Variants in EYS observed in about 807,000 individuals in gnomAD.
EYS encodes protein eyes shut homolog.
In EYS, 250 loss-of-function variants were observed where a neutral mutation model predicts 282.1. That is an observed-to-expected ratio of 0.89 (90% CI 0.80 to 0.98). EYS has a LOEUF of 0.98. EYS is among the 50% of genes least tolerant of loss of function. EYS has a pLI of 0.00. For synonymous variants in EYS, 1,355 were observed against 1,282.9 expected, an observed-to-expected ratio of 1.06 and a Z score of -1.20; for missense variants, 4,016 against 3,709.0, an observed-to-expected ratio of 1.08 and a Z score of -2.15.
At chr6:63,749,559 A>G (rs2149647527) in intron 41 of EYS, among the ~76,000 whole-genome samples, 1 of 152,258 alleles carries the variant, frequency 6.6e-6, no homozygotes, top group South Asian at 2.1e-4. Context: ...TGCCTTGATG[A>G]TCTGTCTACA....
At chr6:63,772,964 C>A (rs1372256015) in intron 40 of EYS, among the ~76,000 whole-genome samples, 1 of 151,884 alleles carries the variant, frequency 6.6e-6, no homozygotes, top group Non-Finnish European at 1.5e-5. Context: ...ATCCCCTTTT[C>A]TTACATGTTT....
At chr6:64,053,106 T>C (rs1312993107) in intron 33 of EYS, among the ~76,000 whole-genome samples, 1 of 152,124 alleles carries the variant, frequency 6.6e-6, no homozygotes, top group Admixed American at 6.6e-5. Context: ...GTGGGATAAG[T>C]AAAAATAACT....
At chr6:65,562,639 G>A (rs1332239432) in intron 2 of EYS, among the ~76,000 whole-genome samples, 2 of 151,918 alleles carry the variant, frequency 1.3e-5, no homozygotes, top group Non-Finnish European at 2.9e-5. Flanking sequence ...AAAGTTTGAG[G>A]CAATTTTATT....
chr6:64,590,940 A>G lies in EYS; in HGVS notation c.4927T>C (p.Ser1643Pro), dbSNP rs1157283483. ...KKSAKRTILSSSLEESITLSS... is the reference protein window; with the variant it reads ...KKSAKRTILSPSLEESITLSS... ...AGGGTAATGGATTCTTCCAAGGATG[A>G]GGATAAAATTGTTCTTTTTGCACTC... Residue 1643 changes from serine (S) to proline (P), a missense_variant, in exon 26 of 43, where the codon TCA becomes CCA. Physicochemically the swap from Ser to Pro is moderately conservative, Grantham distance 74. Coordinates refer to ENST00000503581, the MANE Select transcript of EYS (RefSeq NM_001142800.2). The G allele has an allele frequency of 1.3e-6, 2 of 1,550,916 alleles. No individual in the cohort carries two copies. The highest frequency in any genetic ancestry group is 8.7e-7 in the Non-Finnish European group (1 of 1,146,680).
intron 8 of EYS, among the ~76,000 whole-genome samples, chr6:65,354,552 A>G (rs1043076104): frequency 6.6e-6 from 1 of 152,142 alleles, no homozygotes; most frequent in African/African-American, 2.4e-5. Flanking sequence ...GTGGTGCCTC[A>G]TGCCTGTAAT....
At chr6:64,733,429 TGG>T (rs1772044929) in intron 22 of EYS, 1 of 183,950 alleles carries the variant, frequency 5.4e-6, no homozygotes, top group African/African-American at 2.3e-5. Flanking sequence ...TCATCTACTC[TGG>T]GGATGATCCA....
At chr6:64,601,245 C>T (rs752370965) in intron 24 of EYS, among the ~76,000 whole-genome samples, 15 of 151,942 alleles carry the variant, frequency 9.9e-5, no homozygotes, top group African/African-American at 1.4e-4. Context: ...ATTGATGAGT[C>T]CCAAAATCAT....
intron 22 of EYS, among the ~76,000 whole-genome samples, chr6:64,771,583 G>A (rs1038708654): frequency 6.6e-6 from 1 of 151,570 alleles, no homozygotes; most frequent in Admixed American, 6.6e-5. Flanking sequence ...AGTATGTAGG[G>A]CTTCATTGCA....
intron 33 of EYS, among the ~76,000 whole-genome samples, chr6:64,028,698 G>T (rs1769660073): frequency 6.6e-6 from 1 of 152,176 alleles, no homozygotes; most frequent in Admixed American, 6.5e-5. Flanking sequence ...GTTTGGTCAG[G>T]CACTGGCCCA....
chr6:64,992,805 G>T (rs897106953), intron 14 of EYS, among the ~76,000 whole-genome samples: 42 of 152,010 alleles, frequency 2.8e-4, no homozygotes, highest in African/African-American at 9.4e-4. Flanking sequence ...GAAGGCTTTA[G>T]TATTTGGACA....
chr6:64,492,462 C>A (rs550854555), intron 26 of EYS, among the ~76,000 whole-genome samples: 2 of 149,784 alleles, frequency 1.3e-5, no homozygotes, highest in East Asian at 4.1e-4. Context: ...CATGCTGGTC[C>A]TGTTTTTTTG....
At chr6:64,161,203 A>G (rs939582590) in intron 31 of EYS, among the ~76,000 whole-genome samples, 1 of 152,208 alleles carries the variant, frequency 6.6e-6, no homozygotes, top group Non-Finnish European at 1.5e-5. Flanking sequence ...CAAATAAATA[A>G]CATGTTTCTA....
chr6:63,961,460 T>C lies in EYS; in HGVS notation c.7055+22923A>G, dbSNP rs558078807. 3.0e-3 allele frequency among the ~76,000 whole-genome samples: 463 copies of C among 151,894 alleles called. 2 individuals carry two copies. The highest frequency in any genetic ancestry group is 0.011 in the African/African-American group (447 of 41,408). On this transcript the variant is annotated intron_variant, in intron 35 of 42. Coordinates refer to ENST00000503581, the MANE Select transcript of EYS (RefSeq NM_001142800.2). ...CTGCCTGCAAGAGAGAAACCCCCTT[T>C]GACTGTAATTTTCCACTACCCACCC...
intron 22 of EYS, among the ~76,000 whole-genome samples, chr6:64,716,074 A>G (rs1771380741): frequency 6.6e-6 from 1 of 152,216 alleles, no homozygotes; most frequent in Admixed American, 6.5e-5. Context: ...CGTGTGAGTT[A>G]AGGGTGTATA....
At position 65,039,556 on chromosome 6, in the gene EYS, T is replaced by C. The variant is rs944177849; in HGVS notation, c.2137+18058A>G. 4.0e-5 allele frequency among the ~76,000 whole-genome samples: 6 copies of C among 151,670 alleles called. No homozygotes were observed. The South Asian group carries it at 6.2e-4, about 16-fold the overall frequency. On this transcript the variant is annotated intron_variant, in intron 13 of 42. Transcript: ENST00000503581. ...GAGGGATTACATTGAATCTATGAAT[T>C]ATCTTAACCACATTTATTCTTCCAG...
chr6:64,489,579 G>A (rs1475882747), intron 26 of EYS, among the ~76,000 whole-genome samples: 1 of 147,034 alleles, frequency 6.8e-6, no homozygotes, highest in African/African-American at 2.5e-5. Flanking sequence ...AATATTTTAT[G>A]TTAAAATATT....
intron 12 of EYS, among the ~76,000 whole-genome samples, chr6:65,243,686 C>A (rs1163818873): frequency 6.6e-6 from 1 of 151,904 alleles, no homozygotes; most frequent in Non-Finnish European, 1.5e-5. Context: ...CAACTCTTAC[C>A]ACCATTTTGG....
At chr6:63,855,793 G>T (rs950811817) in intron 36 of EYS, among the ~76,000 whole-genome samples, 2 of 152,186 alleles carry the variant, frequency 1.3e-5, no homozygotes, top group South Asian at 2.1e-4. Flanking sequence ...GTTAGCTGAG[G>T]TCTGCCCATG....
At chr6:64,073,242 A>C (rs183591498) in intron 32 of EYS, among the ~76,000 whole-genome samples, 8 of 152,008 alleles carry the variant, frequency 5.3e-5, no homozygotes, top group African/African-American at 1.2e-4. Flanking sequence ...GTTTTATATA[A>C]TATTTTTTAC....
Sources: gnomAD v4.1 joint callset for allele counts (sites outside exome capture counted in the v4.1 genomes callset) on GRCh38, gnomAD v4.1.1 for gene constraint, MANE v1.5 for transcripts, NCBI Gene and HGNC (gene_info 2026-07-23, HGNC 2026-07-21) for gene names.